Variants in MANBA observed in about 807,000 individuals in gnomAD.
MANBA encodes the protein beta-mannosidase.
MANBA carries 83 observed loss-of-function variants against 111.1 expected under a neutral mutation model. The ratio of observed to expected loss-of-function variants is 0.75; its 90% confidence interval spans 0.63 to 0.90. The LOEUF is 0.90. Ranked by LOEUF, MANBA falls within the 40% of genes least tolerant of loss-of-function variation. The probability of loss-of-function intolerance (pLI) is 0.00; values close to 1 mark genes in which losing one functional copy is unlikely to be tolerated. For missense variants in MANBA, 1,036 were observed against 1,069.0 expected (o/e 0.97, Z 0.43); for synonymous variants, 370 against 378.7 (o/e 0.98, Z 0.27).
At chr4:102,662,027 T>G (rs1730980144) in intron 11 of MANBA, among the ~76,000 whole-genome samples, 1 of 152,158 alleles carries the variant, frequency 6.6e-6, no homozygotes, top group Non-Finnish European at 1.5e-5. Context: ...CATCAGTTAT[T>G]GCCCATGGCT....
chr4:102,665,952 T>G (rs914218348), intron 10 of MANBA: 1 of 152,230 alleles, frequency 6.6e-6, no homozygotes, highest in Non-Finnish European at 1.5e-5. Context: ...ATATATTTCA[T>G]TTTTAAAAAA....
intron 7 of MANBA, chr4:102,682,578 G>C (rs1224475661): frequency 6.6e-6 from 1 of 152,144 alleles, no homozygotes; most frequent in Admixed American, 6.6e-5. Context: ...CAAAATTCAT[G>C]TCCACCCAAA....
chr4:102,730,496 C>G lies in MANBA; in HGVS notation c.178-3813G>C. On this transcript the variant is annotated intron_variant, in intron 1 of 16. Coordinates refer to ENST00000647097, the MANE Select transcript of MANBA (RefSeq NM_005908.4). ...GGGCGGTTCCTGGGGCAGCTCGTCC[C>G]TAACAGTAACAACATTGATTCTACA... The G allele has an allele frequency of 5.7e-6, 3 of 528,896 alleles. No individual in the cohort carries two copies. In the East Asian group the frequency reaches 1.5e-4, roughly 27 times the overall value. The allele number at this position is 528,896 out of a possible 1,614,324, so 32.8% of individuals were successfully genotyped here. A position where few individuals can be genotyped will look rare whatever the true frequency, so the allele number is the denominator to read the frequency against.
chr4:102,693,808 AG>A (rs1732588752), intron 5 of MANBA, among the ~76,000 whole-genome samples: 2 of 152,252 alleles, frequency 1.3e-5, no homozygotes, highest in East Asian at 3.9e-4. Flanking sequence ...CCCCCAAAAA[AG>A]GCCATTCCAA....
At chr4:102,729,606 A>T in intron 1 of MANBA, 1 of 935,938 alleles carries the variant, frequency 1.1e-6, no homozygotes, top group Non-Finnish European at 1.8e-6. Flanking sequence ...TTCATTCTCC[A>T]CCTCTGTACA....
intron 11 of MANBA, among the ~76,000 whole-genome samples, chr4:102,663,626 G>T (rs1297389170): frequency 6.6e-6 from 1 of 152,058 alleles, no homozygotes; most frequent in Non-Finnish European, 1.5e-5. Flanking sequence ...AAATGGAATA[G>T]TGCCATAAAC....
chr4:102,726,508 A>G, intron 2 of MANBA, 81 bp downstream of exon 2: 1 of 809,542 alleles, frequency 1.2e-6, no homozygotes, highest in Non-Finnish European at 2.1e-6. Flanking sequence ...AAAAAAACAA[A>G]CAAAACACAA....
At chr4:102,685,404 A>G (rs1732164964) in intron 7 of MANBA, among the ~76,000 whole-genome samples, 1 of 152,182 alleles carries the variant, frequency 6.6e-6, no homozygotes. Context: ...AGTGTTTGCC[A>G]GTCTTATAGA....
chr4:102,649,537 A>G (rs865915659), intron 13 of MANBA, among the ~76,000 whole-genome samples: 8 of 152,082 alleles, frequency 5.3e-5, no homozygotes, highest in African/African-American at 7.2e-5. Flanking sequence ...ATATTTATTG[A>G]CGCTTTGGAT....
intron 16 of MANBA, among the ~76,000 whole-genome samples, chr4:102,633,803 A>G (rs1195124597): frequency 6.6e-6 from 1 of 151,926 alleles, no homozygotes; most frequent in East Asian, 1.9e-4. Flanking sequence ...GGAAAAAAAT[A>G]TATGTAAGAC....
chr4:102,640,952 G>C (rs1475063767), intron 13 of MANBA, among the ~76,000 whole-genome samples: 2 of 152,042 alleles, frequency 1.3e-5, no homozygotes, highest in African/African-American at 4.8e-5. Context: ...TACTGAGAAT[G>C]GTGGGCACCC....
intron 1 of MANBA, chr4:102,734,749 G>C: frequency 1.6e-6 from 1 of 614,510 alleles, no homozygotes; most frequent in Non-Finnish European, 2.9e-6. Flanking sequence ...TGACCTCAGA[G>C]ATCTAGACAG....
chr4:102,634,908 TG>T lies in MANBA; in HGVS notation c.2294del (p.Thr765AsnfsTer18). The T allele has an allele frequency of 1.2e-6, 2 of 1,614,214 alleles. No individual in the cohort carries two copies. The highest frequency in any genetic ancestry group is 1.7e-6 in the Non-Finnish European group (2 of 1,180,038). On this transcript the variant is annotated frameshift_variant, in exon 16 of 17. Coordinates refer to ENST00000647097, the MANE Select transcript of MANBA (RefSeq NM_005908.4). LOFTEE classifies it high-confidence loss of function. ...SELLRRCGNC[T>X]RESCVVSFYL... is the part of the protein sequence containing the mutation. ...AAAAGGAAACCACACAGCTTTCCCG[TG>T]TGCAATTCCCACATCTCCTCAGCAA... is the stretch of plus-strand genomic sequence containing the variant.
intron 10 of MANBA, chr4:102,667,265 GGA>G (rs1560760239): frequency 6.6e-6 from 1 of 152,072 alleles, no homozygotes; most frequent in Non-Finnish European, 1.5e-5. Context: ...CCAATGCTAG[GGA>G]GTCCAATCAG....
rs1729386823 is a variant in MANBA at position 102,631,792 on chromosome 4, G to A, written c.*265C>T. ...TATAACTGGTTCATGTCCTGCTAAA[G>A]CTGAGAGGTGAAGGGCTAAAAACAC... is the stretch of plus-strand genomic sequence containing the variant. On this transcript the variant is annotated 3_prime_UTR_variant, in exon 17 of 17. Transcript: ENST00000647097. The A allele has an allele frequency of 1.7e-6, 1 of 601,336 alleles. No individual in the cohort carries two copies. The highest frequency in any genetic ancestry group is 1.9e-5 in the African/African-American group (1 of 53,860). 37.3% of individuals were successfully genotyped at this position (601,336 alleles called of 1,614,324 possible).
chr4:102,634,733 C>T, intron 16 of MANBA, 55 bp downstream of exon 16: 1 of 1,609,766 alleles, frequency 6.2e-7, no homozygotes, highest in South Asian at 1.1e-5. Context: ...GGCCCAAGAG[C>T]AGGAGAACCC....
At chr4:102,673,504 T>C (rs1006977049) in intron 8 of MANBA, among the ~76,000 whole-genome samples, 2 of 146,300 alleles carry the variant, frequency 1.4e-5, no homozygotes, top group African/African-American at 5.1e-5. Context: ...CAAGACTCCA[T>C]CTCAAAAAAA....
Position 102,631,949 on chromosome 4 carries a change from C to A in MANBA, c.*108G>T. 1.0e-6 allele frequency: 1 copy of A among 954,138 alleles called. No individual in the cohort carries two copies. Among genetic ancestry groups the A allele is most frequent in the South Asian group, 1.3e-5 (1 of 74,966 alleles). 59.1% of individuals were successfully genotyped at this position (954,138 alleles called of 1,614,324 possible). A position where few individuals can be genotyped will look rare whatever the true frequency, so the allele number is the denominator to read the frequency against. On this transcript the variant is annotated 3_prime_UTR_variant, in exon 17 of 17. Coordinates refer to ENST00000647097, the MANE Select transcript of MANBA (RefSeq NM_005908.4). ...AATCGCTCAAATGCGTGGCAGCACGCAGACATGTCTCTCGGCTTCTCTCCT... is the reference window on the plus strand; with the variant it reads ...AATCGCTCAAATGCGTGGCAGCACGAAGACATGTCTCTCGGCTTCTCTCCT...
At chr4:102,711,929 G>A (rs866186526) in intron 5 of MANBA, among the ~76,000 whole-genome samples, 1 of 152,290 alleles carries the variant, frequency 6.6e-6, no homozygotes, top group Middle Eastern at 3.4e-3. Context: ...TGGCAGAGAG[G>A]AATGAAGAAA....
Sources: allele counts gnomAD v4.1 joint callset (sites outside exome capture counted in the v4.1 genomes callset), GRCh38; gene constraint gnomAD v4.1.1; transcripts MANE v1.5; gene names NCBI Gene and HGNC (gene_info 2026-07-23, HGNC 2026-07-21).